The following TEX11 variants were observed in gnomAD, a reference collection of about 807,000 sequenced individuals.
TEX11 encodes the protein testis expressed 11, also known as testis-expressed protein 11.
TEX11 carries 7 observed loss-of-function variants against 84.4 expected under a neutral mutation model. That is an observed-to-expected ratio of 0.08 (90% CI 0.05 to 0.16). The LOEUF is 0.16. Among genes scored for constraint, TEX11 ranks in the 10% least tolerant of loss-of-function variants. TEX11 has a pLI of 1.00. For synonymous variants in TEX11, 264 were observed against 222.8 expected (o/e 1.18, Z -1.64); for missense variants, 551 against 660.5 (o/e 0.83, Z 1.82).
intron 2 of TEX11, among the ~76,000 whole-genome samples, chrX:70,899,580 C>T (rs1227618853): frequency 9.2e-6 from 1 of 108,722 alleles, no homozygotes; most frequent in Non-Finnish European, 1.9e-5. Context: ...CTAATGTCTA[C>T]CTCCCTAACA....
chrX:70,715,680 T>G, intron 13 of TEX11, among the ~76,000 whole-genome samples: 1 of 111,947 alleles, frequency 8.9e-6, no homozygotes, highest in East Asian at 2.8e-4. Flanking sequence ...GTTATTCTAG[T>G]TAGCCATTTG....
At chrX:70,892,494 G>A (rs2091743399) in intron 2 of TEX11, among the ~76,000 whole-genome samples, 1 of 111,681 alleles carries the variant, frequency 9.0e-6, no homozygotes, top group African/African-American at 3.3e-5. Flanking sequence ...CAGCACTTTG[G>A]GAGGCTGAGG....
intron 16 of TEX11, among the ~76,000 whole-genome samples, chrX:70,657,739 G>A (rs2089883768): frequency 1.8e-5 from 2 of 109,241 alleles, no homozygotes; most frequent in African/African-American, 6.7e-5. Flanking sequence ...GGAATACTAT[G>A]CAGCCATAAA....
At chrX:70,790,364 A>C (rs907560218) in intron 9 of TEX11, among the ~76,000 whole-genome samples, 10 of 111,745 alleles carry the variant, frequency 8.9e-5, no homozygotes, top group Non-Finnish European at 3.8e-5. Context: ...GTCACCAAGC[A>C]CCAGGACCAG....
chrX:70,667,950 A>G (rs1405290775), intron 16 of TEX11, among the ~76,000 whole-genome samples: 7 of 110,688 alleles, frequency 6.3e-5, no homozygotes, highest in Non-Finnish European at 1.3e-4. Flanking sequence ...TAAAAAAGAA[A>G]CAGTAGAGAA....
At chrX:70,841,826 A>T (rs1278466243) in intron 7 of TEX11, among the ~76,000 whole-genome samples, 2 of 111,587 alleles carry the variant, frequency 1.8e-5, no homozygotes, top group Non-Finnish European at 3.8e-5. Context: ...AGAAATACAA[A>T]CTACCATCAG....
At chrX:70,530,311 T>G (rs1352228015) in intron 28 of TEX11, among the ~76,000 whole-genome samples, 7 of 112,179 alleles carry the variant, frequency 6.2e-5, no homozygotes, top group Non-Finnish European at 1.3e-4. Flanking sequence ...CTTCCCTTGA[T>G]TCTGTCTTCA....
At chrX:70,547,305 G>T (rs1272430453) in intron 28 of TEX11, among the ~76,000 whole-genome samples, 3 of 110,979 alleles carry the variant, frequency 2.7e-5, no homozygotes, top group Non-Finnish European at 3.8e-5. Context: ...GATTGTGGGA[G>T]GAAGGACGGA....
intron 5 of TEX11, among the ~76,000 whole-genome samples, chrX:70,857,856 A>AT (rs201133593): frequency 8.9e-6 from 1 of 111,861 alleles, no homozygotes; most frequent in Non-Finnish European, 1.9e-5. Context: ...ATATATATAT[A>AT]ACTGAATACT....
At chrX:70,808,418 G>A (rs924390798) in intron 8 of TEX11, among the ~76,000 whole-genome samples, 2 of 108,251 alleles carry the variant, frequency 1.8e-5, no homozygotes, top group East Asian at 2.9e-4. Flanking sequence ...CAGGAGAATC[G>A]CTTGAACCCG....
downstream of TEX11, among the ~76,000 whole-genome samples, chrX:70,526,483 C>T (rs1300209850): frequency 1.0e-4 from 11 of 108,596 alleles, 1 homozygote; most frequent in Non-Finnish European, 1.7e-4. Context: ...GCAGGAGAAT[C>T]GCTTGAACCC....
chrX:70,544,456 G>A (rs2088088308), intron 28 of TEX11, among the ~76,000 whole-genome samples: 1 of 111,268 alleles, frequency 9.0e-6, no homozygotes, highest in Non-Finnish European at 1.9e-5. Flanking sequence ...GTACCTGGGA[G>A]GTCAAAGCTG....
Position 70,646,383 on chromosome X carries a change from C to G in TEX11, c.1483+5067G>C, listed in dbSNP as rs147720443. 6.9e-3 allele frequency among the ~76,000 whole-genome samples: 774 copies of G among 112,153 alleles called. 7 individuals are homozygous for G. Among genetic ancestry groups the G allele is most frequent in the African/African-American group, 0.024 (739 of 30,995 alleles). On this transcript the variant is annotated intron_variant, in intron 17 of 29. Transcript: ENST00000374333. The stretch of plus-strand genomic sequence containing the variant: ...ACACAAAAATAGACACATGGGATTA[C>G]ATCAAACTAAAAAGCTTCCACACAG...
chrX:70,837,840 G>A lies in TEX11; in HGVS notation c.526-4247C>T, dbSNP rs181126354. Among the ~76,000 whole-genome samples the A allele has an allele frequency of 7.2e-5, 8 of 111,690 alleles. No homozygotes were observed. The East Asian group carries it at 2.0e-3, about 28-fold the overall frequency. ...GAAACTGTTCTGTATCTTGATTGTGGTGGTGGTAGTGAACATGAATCTTCA... is the reference window on the plus strand; with the variant it reads ...GAAACTGTTCTGTATCTTGATTGTGATGGTGGTAGTGAACATGAATCTTCA... On this transcript the variant is annotated intron_variant, in intron 7 of 29. Transcript: ENST00000374333.
intron 8 of TEX11, among the ~76,000 whole-genome samples, chrX:70,832,175 A>C (rs1284851809): frequency 9.0e-6 from 1 of 111,610 alleles, no homozygotes; most frequent in East Asian, 2.8e-4. Flanking sequence ...AACCTGTTCT[A>C]ATCATGAGGA....
At chrX:70,734,746 A>G (rs1257409937) in intron 11 of TEX11, among the ~76,000 whole-genome samples, 1 of 111,917 alleles carries the variant, frequency 8.9e-6, no homozygotes, top group Admixed American at 9.5e-5. Context: ...GTGGTCCAGT[A>G]TGATCAAATT....
chrX:70,599,924 G>A (rs973164397), intron 24 of TEX11, among the ~76,000 whole-genome samples: 1 of 107,856 alleles, frequency 9.3e-6, no homozygotes, highest in African/African-American at 3.4e-5. Context: ...TATCATTGTT[G>A]GACATTTGGG....
At chrX:70,625,896 C>T (rs1047148203) in intron 18 of TEX11, among the ~76,000 whole-genome samples, 1 of 108,815 alleles carries the variant, frequency 9.2e-6, no homozygotes, top group Non-Finnish European at 1.9e-5. Context: ...TACAGGCACC[C>T]GCCACTACGC....
chrX:70,533,089 G>C (rs1339659417), intron 28 of TEX11, among the ~76,000 whole-genome samples: 1 of 111,805 alleles, frequency 8.9e-6, no homozygotes, highest in African/African-American at 3.2e-5. Context: ...GGAGTTGTGT[G>C]ATCTAAGAAT....
Sources: gnomAD v4.1 joint callset for allele counts (sites outside exome capture counted in the v4.1 genomes callset) on GRCh38, gnomAD v4.1.1 for gene constraint, MANE v1.5 for transcripts, NCBI Gene and HGNC (gene_info 2026-07-23, HGNC 2026-07-21) for gene names.